CFAP54: variants seen among roughly 807,000 people sequenced by gnomAD.
CFAP54 encodes the protein cilia and flagella associated protein 54, also known as cilia- and flagella-associated protein 54.
A neutral mutation model predicts 370.4 loss-of-function variants in CFAP54; 290 were observed. The ratio of observed to expected loss-of-function variants is 0.78; its 90% confidence interval spans 0.71 to 0.86. CFAP54 has a LOEUF of 0.86. Among genes scored for constraint, CFAP54 ranks in the 40% least tolerant of loss-of-function variants. The probability of loss-of-function intolerance (pLI) is 0.00; values close to 1 mark genes in which losing one functional copy is unlikely to be tolerated. For missense variants in CFAP54, 3,399 were observed against 3,528.7 expected, an observed-to-expected ratio of 0.96 and a Z score of 0.93; for synonymous variants, 1,206 against 1,236.5, an observed-to-expected ratio of 0.98 and a Z score of 0.52.
At chr12:96,612,527 C>T (rs1298065882) in intron 26 of CFAP54, among the ~76,000 whole-genome samples, 4 of 152,162 alleles carry the variant, frequency 2.6e-5, no homozygotes, top group African/African-American at 9.7e-5. Context: ...TGATCAAATT[C>T]ACACATAGCA....
chr12:96,795,249 C>T (rs1326360939), intron 63 of CFAP54, among the ~76,000 whole-genome samples: 1 of 152,078 alleles, frequency 6.6e-6, no homozygotes, highest in Non-Finnish European at 1.5e-5. Flanking sequence ...TTCAAGAGAG[C>T]ATCAGCTGAT....
At chr12:96,814,209 G>C (rs1435338640) in intron 64 of CFAP54, among the ~76,000 whole-genome samples, 1 of 152,214 alleles carries the variant, frequency 6.6e-6, no homozygotes, top group Non-Finnish European at 1.5e-5. Context: ...ATTTGTGGAA[G>C]ACAAATAAGA....
chr12:96,764,292 CTG>C (rs1263041832), intron 59 of CFAP54, 43 bp downstream of exon 59: 1 of 1,411,848 alleles, frequency 7.1e-7, no homozygotes, highest in Non-Finnish European at 9.9e-7. Flanking sequence ...ACTGTCATAT[CTG>C]TATTCTCTGC....
chr12:96,750,610 A>G (rs1958171410), intron 55 of CFAP54, among the ~76,000 whole-genome samples: 1 of 152,124 alleles, frequency 6.6e-6, no homozygotes, highest in South Asian at 2.1e-4. Flanking sequence ...TTCAGTCTAC[A>G]GTTTCTTCAA....
intron 42 of CFAP54, among the ~76,000 whole-genome samples, chr12:96,688,674 T>G (rs1957353932): frequency 6.6e-6 from 1 of 152,146 alleles, no homozygotes; most frequent in Non-Finnish European, 1.5e-5. Context: ...TGTATAATTA[T>G]ATACAGAAAA....
chr12:96,549,983 A>G (rs1249676876), intron 15 of CFAP54, among the ~76,000 whole-genome samples: 2 of 152,234 alleles, frequency 1.3e-5, no homozygotes, highest in East Asian at 3.8e-4. Context: ...AAAATGTATG[A>G]GACACTATTG....
intron 66 of CFAP54, among the ~76,000 whole-genome samples, chr12:96,851,673 C>G (rs1403329349): frequency 6.6e-6 from 1 of 151,572 alleles, no homozygotes; most frequent in Non-Finnish European, 1.5e-5. Context: ...AAAATAGTGG[C>G]AAAATTATAA....
chr12:96,638,901 A>G (rs754962543), intron 32 of CFAP54, among the ~76,000 whole-genome samples: 2 of 152,194 alleles, frequency 1.3e-5, no homozygotes, highest in Non-Finnish European at 2.9e-5. Flanking sequence ...ACATTTTAGC[A>G]TTAAGAATGG....
chr12:96,549,045 G>A (rs1230132804), intron 15 of CFAP54, among the ~76,000 whole-genome samples: 1 of 152,064 alleles, frequency 6.6e-6, no homozygotes, highest in Non-Finnish European at 1.5e-5. Context: ...TAGTGGAGGT[G>A]GGGTTTCACC....
At chr12:96,581,979 TC>T (rs369843386) in intron 22 of CFAP54, among the ~76,000 whole-genome samples, 1 of 152,150 alleles carries the variant, frequency 6.6e-6, no homozygotes, top group African/African-American at 2.4e-5. Flanking sequence ...TTTACCTACA[TC>T]CATGATTACT....
Position 96,764,188 on chromosome 12 carries a change from C to A in CFAP54, c.8078C>A (p.Ser2693Ter). 1 of 1,613,108 alleles carries A rather than the reference C, an allele frequency of 6.2e-7. No homozygotes were observed. The change falls in exon 59 of 68, where the codon TCA becomes TAA. Residue 2693 changes from serine (S) to a stop codon, truncating the protein, a stop_gained. Transcript: ENST00000524981. LOFTEE classifies it high-confidence loss of function. ...AGAAGTAGTTCTGTTAAAGAAACAT[C>A]AGCAAATAAATTTGAAATGTACAGT... Reference protein sequence around the residue: ...LRRSSSVKETSANKFEMYSSL... With the variant: ...LRRSSSVKET
intron 64 of CFAP54, 110 bp downstream of exon 64, chr12:96,811,952 C>G: frequency 1.7e-6 from 1 of 581,974 alleles, no homozygotes; most frequent in Non-Finnish European, 2.9e-6. Context: ...AAAGGCACTT[C>G]GCGAAGAATC....
intron 66 of CFAP54, among the ~76,000 whole-genome samples, chr12:96,854,277 T>G (rs932455615): frequency 6.6e-6 from 1 of 152,096 alleles, no homozygotes; most frequent in Non-Finnish European, 1.5e-5. Flanking sequence ...CGGTTAACAT[T>G]AGCTTGCCAA....
At chr12:96,584,885 G>A (rs138244642) in intron 22 of CFAP54, among the ~76,000 whole-genome samples, 7 of 152,226 alleles carry the variant, frequency 4.6e-5, no homozygotes, top group Non-Finnish European at 1.0e-4. Flanking sequence ...CATCTTTGGA[G>A]GAAAGGTGGC....
chr12:96,870,979 G>A (rs1960146417), intron 67 of CFAP54, among the ~76,000 whole-genome samples: 2 of 152,350 alleles, frequency 1.3e-5, no homozygotes, highest in South Asian at 4.1e-4. Flanking sequence ...GGGACAGAGT[G>A]CAATCAGGAA....
At chr12:96,841,758 C>T (rs1438180269) in intron 66 of CFAP54, among the ~76,000 whole-genome samples, 2 of 152,222 alleles carry the variant, frequency 1.3e-5, no homozygotes, top group Non-Finnish European at 2.9e-5. Context: ...TGAAAGACCT[C>T]AGGTCAACTA....
rs1015970595 is a variant in CFAP54, at chr12:96,632,424, C to T, written c.4316+1773C>T. Reference sequence around the variant, plus strand: ...TAGGAATTTCATTAATTTGTTTTTGCGTATGGTGAGAAGATGAGTCCCTTT... The same window carrying T: ...TAGGAATTTCATTAATTTGTTTTTGTGTATGGTGAGAAGATGAGTCCCTTT... On this transcript the variant is annotated intron_variant, in intron 32 of 67. Coordinates refer to ENST00000524981, the MANE Select transcript of CFAP54 (RefSeq NM_001306084.2). 7.2e-5 allele frequency among the ~76,000 whole-genome samples: 11 copies of T among 151,762 alleles called. 1 individual carries two copies. Among genetic ancestry groups the T allele is most frequent in the African/African-American group, 2.4e-4 (10 of 41,348 alleles).
intron 48 of CFAP54, among the ~76,000 whole-genome samples, chr12:96,712,908 T>A (rs1466215480): frequency 6.6e-6 from 1 of 152,110 alleles, no homozygotes; most frequent in Non-Finnish European, 1.5e-5. Flanking sequence ...AAAGAAGACA[T>A]ATAAATGGCC....
At position 96,527,259 on chromosome 12, in the gene CFAP54, G is replaced by A. The variant is rs1268035546; in HGVS notation, c.1172G>A (p.Arg391Gln). 5 of 1,510,610 alleles carry A rather than the reference G, an allele frequency of 3.3e-6. No homozygotes were observed. Among genetic ancestry groups the A allele is most frequent in the African/African-American group, 2.8e-5 (2 of 71,482 alleles). The allele number at this position is 1,510,610 out of a possible 1,614,324, so 93.6% of individuals were successfully genotyped here. A position where few individuals can be genotyped will look rare whatever the true frequency, so the allele number is the denominator to read the frequency against. Reference sequence around the variant, plus strand: ...TCTCAATTTCAGTTATCATGGCCACGAACTGTCACAGAGCGGCTACTGGAT... The same window carrying A: ...TCTCAATTTCAGTTATCATGGCCACAAACTGTCACAGAGCGGCTACTGGAT... ...LREVQTLSWP[R>Q]TVTERLLDEM... Residue 391 changes from arginine (R) to glutamine (Q), a missense_variant, in exon 9 of 68, where the codon CGA (arginine) becomes CAA (glutamine). Transcript: ENST00000524981.
Sources: allele counts gnomAD v4.1 joint callset (sites outside exome capture counted in the v4.1 genomes callset), GRCh38; gene constraint gnomAD v4.1.1; transcripts MANE v1.5; gene names NCBI Gene and HGNC (gene_info 2026-07-23, HGNC 2026-07-21).